Variants in OTOGL observed in about 807,000 individuals in gnomAD.
The protein encoded by OTOGL is otogelin like.
In OTOGL, 285 loss-of-function variants were observed where a neutral mutation model predicts 318.5. The observed-to-expected ratio is 0.89, with a 90% CI of 0.81 to 0.99. OTOGL has a LOEUF of 0.99. Ranked by LOEUF, OTOGL falls within the 50% of genes least tolerant of loss-of-function variation. The pLI is 0.00. For missense variants in OTOGL, 2,899 were observed against 2,845.6 expected (o/e 1.02, Z -0.43); for synonymous variants, 987 against 936.5 (o/e 1.05, Z -0.99).
intron 1 of OTOGL, among the ~76,000 whole-genome samples, chr12:80,100,773 G>T (rs1869090590): frequency 1.3e-5 from 2 of 152,228 alleles, no homozygotes; most frequent in Non-Finnish European, 2.9e-5. Context: ...CAGACTGGCT[G>T]TAGACATTGT....
intron 1 of OTOGL, among the ~76,000 whole-genome samples, chr12:80,164,222 A>G (rs1873701000): frequency 6.6e-6 from 1 of 152,180 alleles, no homozygotes; most frequent in African/African-American, 2.4e-5. Context: ...CATGTAGTAT[A>G]TTTTGAATTT....
chr12:80,330,434 A>T (rs183791115), intron 37 of OTOGL, among the ~76,000 whole-genome samples: 1 of 152,288 alleles, frequency 6.6e-6, no homozygotes, highest in African/African-American at 2.4e-5. Context: ...ATGCTTTGGG[A>T]GAAGGTGGAG....
At position 80,377,644 on chromosome 12, in the gene OTOGL, A is replaced by G. The variant is rs185449791; in HGVS notation, c.6862-204A>G. Among the ~76,000 whole-genome samples the G allele has an allele frequency of 3.3e-5, 5 of 152,230 alleles. No homozygotes were observed. In the East Asian group the frequency reaches 9.6e-4, roughly 29 times the overall value. On this transcript the variant is annotated intron_variant, in intron 58 of 58. Coordinates refer to ENST00000547103, the MANE Select transcript of OTOGL (RefSeq NM_001378609.3). ...GTGCACATTTAATGCTTTGAATGCT[A>G]TGTTGAGCATTGCCATGAAACGTCC...
chr12:80,314,124 A>C (rs1886823883), intron 31 of OTOGL, among the ~76,000 whole-genome samples, 181 bp from the exon 32 acceptor site: 1 of 152,116 alleles, frequency 6.6e-6, no homozygotes, highest in African/African-American at 2.4e-5. Context: ...CAATTATATG[A>C]AATTTAATTA....
chr12:80,143,485 C>T (rs567535778), intron 1 of OTOGL, among the ~76,000 whole-genome samples: 1 of 152,240 alleles, frequency 6.6e-6, no homozygotes, highest in South Asian at 2.1e-4. Context: ...AAGTGTTCTT[C>T]CTCTCTTTCC....
intron 32 of OTOGL, among the ~76,000 whole-genome samples, chr12:80,316,130 G>T (rs940116370): frequency 6.6e-6 from 1 of 152,190 alleles, no homozygotes; most frequent in Non-Finnish European, 1.5e-5. Flanking sequence ...TGGCCAAAAT[G>T]TGGCAAACTG....
intron 1 of OTOGL, chr12:80,133,580 A>G (rs528494721): frequency 6.6e-6 from 1 of 152,264 alleles, no homozygotes; most frequent in South Asian, 2.1e-4. Flanking sequence ...AGCCCAGGAT[A>G]CAACCTACAG....
At chr12:80,145,196 C>A (rs897525099) in intron 1 of OTOGL, among the ~76,000 whole-genome samples, 3 of 150,692 alleles carry the variant, frequency 2.0e-5, no homozygotes, top group Non-Finnish European at 4.4e-5. Flanking sequence ...TTAGGTCTAA[C>A]GTTTAAGTCT....
chr12:80,378,030 T>C lies in OTOGL; in HGVS notation c.7044T>C (p.Cys2348=), dbSNP rs368328410. ...IMYTLQEPID[C]TCQWN is the part of the protein sequence containing the mutation. ...ACACTCTCCAGGAACCCATAGACTG[T>C]ACGTGCCAGTGGAATTAAACCCTTG... is the stretch of plus-strand genomic sequence containing the variant. The change falls in exon 59 of 59, where the codon TGT becomes TGC. Residue 2348 remains cysteine (C), a synonymous_variant. Coordinates refer to ENST00000547103, the MANE Select transcript of OTOGL (RefSeq NM_001378609.3). The C allele has an allele frequency of 3.3e-5, 52 of 1,582,104 alleles. No individual in the cohort carries two copies. The highest frequency in any genetic ancestry group is 4.2e-5 in the Non-Finnish European group (49 of 1,161,466).
At chr12:80,150,363 A>C (rs1872710895) in intron 1 of OTOGL, among the ~76,000 whole-genome samples, 1 of 152,248 alleles carries the variant, frequency 6.6e-6, no homozygotes, top group Non-Finnish European at 1.5e-5. Context: ...TTCAATAAAA[A>C]TGAAAAGATA....
chr12:80,377,609 TGA>T (rs1442298464), intron 58 of OTOGL, among the ~76,000 whole-genome samples: 1 of 152,164 alleles, frequency 6.6e-6, no homozygotes, highest in African/African-American at 2.4e-5. Context: ...AGATTTATGT[TGA>T]GTTATGTGTG....
At chr12:80,268,672 T>TA (rs1223766710) in intron 22 of OTOGL, among the ~76,000 whole-genome samples, 1 of 152,112 alleles carries the variant, frequency 6.6e-6, no homozygotes, top group Non-Finnish European at 1.5e-5. Flanking sequence ...TCAAAACACC[T>TA]AATCAGTAAA....
At position 80,257,902 on chromosome 12, in the gene OTOGL, A is replaced by G. The variant is rs1882200560; in HGVS notation, c.1789A>G (p.Ile597Val). Residue 597 changes from isoleucine (I) to valine (V), a missense_variant, in exon 18 of 59, where the codon ATA becomes GTA. By Grantham distance (29) the Ile-to-Val change is conservative (BLOSUM62 3). This residue lies in a region of OTOGL where 2,607 missense variants were observed against 2,524.9 expected (regional missense o/e 1.03). Transcript: ENST00000547103. ...TTFGLKILFA[I>V]DGERIYIQLT... ...ATTTGGTTTAAAGATTCTGTTTGCTATAGATGGGGAAAGAATTTATATTCA... is the reference window on the plus strand; with the variant it reads ...ATTTGGTTTAAAGATTCTGTTTGCTGTAGATGGGGAAAGAATTTATATTCA... The G allele has an allele frequency of 6.3e-7, 1 of 1,597,404 alleles. No homozygotes were observed.
intron 43 of OTOGL, among the ~76,000 whole-genome samples, chr12:80,340,112 A>G (rs964427855): frequency 6.6e-6 from 1 of 152,186 alleles, no homozygotes; most frequent in Non-Finnish European, 1.5e-5. Flanking sequence ...GTTTAGTACA[A>G]ATATATCTAT....
chr12:80,303,680 C>A, intron 28 of OTOGL, among the ~76,000 whole-genome samples: 1 of 152,114 alleles, frequency 6.6e-6, no homozygotes, highest in Non-Finnish European at 1.5e-5. Flanking sequence ...CAATCAACTT[C>A]TTCAAAAGGT....
intron 1 of OTOGL, among the ~76,000 whole-genome samples, chr12:80,206,411 G>A (rs977546184): frequency 6.6e-6 from 1 of 152,152 alleles, no homozygotes; most frequent in African/African-American, 2.4e-5. Context: ...TTCCTACTAT[G>A]AGCCTGGATG....
intron 1 of OTOGL, among the ~76,000 whole-genome samples, chr12:80,188,375 TA>T (rs1875445232): frequency 6.6e-6 from 1 of 151,560 alleles, no homozygotes; most frequent in Non-Finnish European, 1.5e-5. Context: ...CCATCTCTAC[TA>T]AAAATACAAA....
chr12:80,187,344 C>T (rs1454134572), intron 1 of OTOGL, among the ~76,000 whole-genome samples: 1 of 151,790 alleles, frequency 6.6e-6, no homozygotes, highest in East Asian at 1.9e-4. Flanking sequence ...AAGTTTACTT[C>T]TGCAGACCCT....
intron 1 of OTOGL, among the ~76,000 whole-genome samples, chr12:80,182,385 C>T (rs897496445): frequency 6.6e-5 from 10 of 152,022 alleles, no homozygotes; most frequent in African/African-American, 2.4e-4. Context: ...TCCAACTGAC[C>T]CAATAAGTTT....
Sources: gnomAD v4.1 joint callset for allele counts (sites outside exome capture counted in the v4.1 genomes callset) on GRCh38, gnomAD v4.1.1 for gene constraint, gnomAD v4.1.1 regional missense constraint, MANE v1.5 for transcripts, NCBI Gene and HGNC (gene_info 2026-07-23, HGNC 2026-07-21) for gene names.